The following OSBP2 variants were observed in gnomAD, a reference collection of about 807,000 sequenced individuals.
OSBP2 encodes oxysterol-binding protein 2.
OSBP2 carries 66 observed loss-of-function variants against 96.0 expected under a neutral mutation model. The observed-to-expected ratio is 0.69, with a 90% CI of 0.56 to 0.84. OSBP2 has a LOEUF of 0.84. Among genes scored for constraint, OSBP2 ranks in the 40% least tolerant of loss-of-function variants. OSBP2 has a pLI of 0.00. For synonymous variants in OSBP2, 525 were observed against 520.9 expected, an observed-to-expected ratio of 1.01 and a Z score of -0.11; for missense variants, 1,038 against 1,222.7, an observed-to-expected ratio of 0.85 and a Z score of 2.25.
rs1467617297 is a variant in OSBP2, at chr22:30,871,755, G to A, written c.1107+1073G>A. On this transcript the variant is annotated intron_variant, in intron 3 of 13. Coordinates refer to ENST00000332585, the MANE Select transcript of OSBP2 (RefSeq NM_030758.4). This position sits in a 1 kb window ranked among gnomAD's most constrained non-coding sequence, Gnocchi z 4.7. ...CCCGCAAGAAATGCAAGGGCAGGGT[G>A]GGAAGATAGAGGCTGGAGCTCACCG... 6.6e-6 allele frequency among the ~76,000 whole-genome samples: 1 copy of A among 152,366 alleles called. No homozygotes were observed. The highest frequency in any genetic ancestry group is 1.9e-4 in the East Asian group (1 of 5,184).
Position 30,893,997 on chromosome 22 carries a change from C to T in OSBP2, c.2371C>T (p.Leu791=), listed in dbSNP as rs1398227761. The part of the protein sequence containing the change: ...SAKLLWKKYP[L]PENAENMYYF... Reference sequence around the variant, plus strand: ...CAAGCTGCTGTGGAAGAAGTACCCGCTGCCGTGAGTAGGGCTGGCAGGGGC... The same window carrying T: ...CAAGCTGCTGTGGAAGAAGTACCCGTTGCCGTGAGTAGGGCTGGCAGGGGC... Residue 791 remains leucine, a synonymous_variant, in exon 12 of 14, where the codon CTG becomes TTG. Transcript: ENST00000332585. 6.3e-7 allele frequency: 1 copy of T among 1,591,356 alleles called. No homozygotes were observed. The highest frequency in any genetic ancestry group is 8.5e-7 in the Non-Finnish European group (1 of 1,169,600).
intron 2 of OSBP2, among the ~76,000 whole-genome samples, chr22:30,861,881 G>A (rs888788171): frequency 7.9e-5 from 12 of 152,128 alleles, no homozygotes; most frequent in Admixed American, 7.9e-4. Context: ...CCGAGCGCTG[G>A]CCCGTTCCAC....
chr22:30,760,491 G>A (rs1390871209), intron 2 of OSBP2, among the ~76,000 whole-genome samples: 1 of 152,158 alleles, frequency 6.6e-6, no homozygotes, highest in African/African-American at 2.4e-5. Flanking sequence ...ATGAGTGCAA[G>A]ATAGGTGCAA....
chr22:30,728,854 G>A (rs2089697327), intron 1 of OSBP2, among the ~76,000 whole-genome samples: 1 of 152,092 alleles, frequency 6.6e-6, no homozygotes, highest in East Asian at 1.9e-4. Flanking sequence ...TCCCCCATTT[G>A]GATGAACCAC....
chr22:30,890,859 G>A lies in OSBP2; in HGVS notation c.1755G>A (p.Val585=), dbSNP rs1313927671. 6.2e-7 allele frequency: 1 copy of A among 1,613,710 alleles called. No homozygotes were observed. Among genetic ancestry groups the A allele is most frequent in the Non-Finnish European group, 8.5e-7 (1 of 1,180,046 alleles). ...EQMCLVAAFS[V]SSYSTTVHRI... ...TGTGCCTGGTGGCCGCCTTCTCTGT[G>A]TCCTCCTACTCCACCACAGTGCACC... is the stretch of plus-strand genomic sequence containing the variant. The change falls in exon 8 of 14, where the codon GTG becomes GTA. Residue 585 remains valine, a synonymous_variant. Coordinates refer to ENST00000332585, the MANE Select transcript of OSBP2 (RefSeq NM_030758.4). This position sits in a 1 kb window ranked among gnomAD's most constrained non-coding sequence, Gnocchi z 4.4.
At chr22:30,841,787 C>G (rs140729744) in intron 2 of OSBP2, among the ~76,000 whole-genome samples, 43 of 152,170 alleles carry the variant, frequency 2.8e-4, no homozygotes, top group African/African-American at 1.0e-3. Context: ...GATCAGGGGC[C>G]AAGAGTTTGA....
At chr22:30,802,196 G>T (rs886385901) in intron 2 of OSBP2, among the ~76,000 whole-genome samples, 4 of 152,184 alleles carry the variant, frequency 2.6e-5, no homozygotes, top group African/African-American at 9.7e-5. Context: ...CAGAAGCCAA[G>T]TCAGAATCAA....
intron 2 of OSBP2, among the ~76,000 whole-genome samples, chr22:30,869,166 C>G (rs2039408423): frequency 2.0e-5 from 3 of 152,136 alleles, no homozygotes. Flanking sequence ...GCTGGGCTGG[C>G]AGGAAAGGGG....
rs771213240 is a variant in OSBP2, at chr22:30,890,997, G to A, written c.1869+24G>A. 8.2e-6 allele frequency: 13 copies of A among 1,593,424 alleles called. No homozygotes were observed. The highest frequency in any genetic ancestry group is 1.1e-5 in the South Asian group (1 of 90,500). ...AGGTGAGGGGGCTAGGCTGGCACTG[G>A]GTGGCGCCCACCCACACTCTGGCCA... On this transcript the variant is annotated intron_variant, in intron 8 of 13. Transcript: ENST00000332585. This position sits in a 1 kb window ranked among gnomAD's most constrained non-coding sequence, Gnocchi z 4.4.
At chr22:30,888,032 G>A (rs1039931208) in intron 4 of OSBP2, among the ~76,000 whole-genome samples, 191 bp from the exon 5 acceptor site, 10 of 152,178 alleles carry the variant, frequency 6.6e-5, no homozygotes, top group Non-Finnish European at 1.0e-4. Flanking sequence ...CGGTGAATGC[G>A]TTGAAAGCAC....
chr22:30,881,851 G>A lies in OSBP2; in HGVS notation c.1108-5575G>A, dbSNP rs992616490. ...GGTGGACGGGCTCTCTGCATCCATG[G>A]GGTGACCAGGCAGCTCATGTGCTGT... On this transcript the variant is annotated intron_variant, in intron 3 of 13. Transcript: ENST00000332585. This position sits in a 1 kb window ranked among gnomAD's most constrained non-coding sequence, Gnocchi z 4.5. The A allele has an allele frequency of 3.9e-6, 5 of 1,297,818 alleles. No homozygotes were observed. Among genetic ancestry groups the A allele is most frequent in the Admixed American group, 2.3e-5 (1 of 43,464 alleles). 80.4% of individuals were successfully genotyped at this position (1,297,818 alleles called of 1,614,324 possible).
At chr22:30,835,793 T>C (rs2038618496) in intron 2 of OSBP2, among the ~76,000 whole-genome samples, 1 of 151,680 alleles carries the variant, frequency 6.6e-6, no homozygotes, top group African/African-American at 2.4e-5. Context: ...CACGGCTCAT[T>C]GCAGCCTCGA....
Position 30,741,292 on chromosome 22 carries a change from A to G in OSBP2, c.776A>G (p.Glu259Gly), listed in dbSNP as rs914874405. The stretch of plus-strand genomic sequence containing the variant: ...AGCTACCACCTCAAGGCCAGCTCAG[A>G]GGTGGACCGGCAGCAGTGGATCACC... The part of the protein sequence containing the change: ...ARSYHLKASS[E>G]VDRQQWITAL... Residue 259 changes from glutamate (E) to glycine (G), a missense_variant, in exon 2 of 14, where the codon GAG (glutamate) becomes GGG (glycine). By Grantham distance (98) the Glu-to-Gly change is moderately conservative. This residue lies in a region of OSBP2 where 737 missense variants were observed against 913.3 expected (regional missense o/e 0.81). Transcript: ENST00000332585. 2.5e-6 allele frequency: 4 copies of G among 1,613,966 alleles called. No individual in the cohort carries two copies. The highest frequency in any genetic ancestry group is 3.4e-6 in the Non-Finnish European group (4 of 1,180,032).
intron 1 of OSBP2, among the ~76,000 whole-genome samples, chr22:30,714,393 C>T (rs1159162343): frequency 6.6e-6 from 1 of 151,336 alleles, no homozygotes; most frequent in East Asian, 1.9e-4. Flanking sequence ...CTTCAACACA[C>T]TGATTTTTTT....
intron 2 of OSBP2, among the ~76,000 whole-genome samples, chr22:30,781,980 C>G (rs1389006076): frequency 6.6e-6 from 1 of 152,116 alleles, no homozygotes; most frequent in East Asian, 1.9e-4. Flanking sequence ...AACCCCATCT[C>G]TATAAAAATA....
intron 2 of OSBP2, among the ~76,000 whole-genome samples, chr22:30,802,790 C>T (rs1337754395): frequency 1.3e-5 from 2 of 152,224 alleles, no homozygotes; most frequent in Admixed American, 6.5e-5. Flanking sequence ...AGGGAGCCTC[C>T]TCGGGCGGTG....
intron 2 of OSBP2, among the ~76,000 whole-genome samples, chr22:30,848,361 A>G (rs2038912846): frequency 6.6e-6 from 1 of 152,240 alleles, no homozygotes; most frequent in Non-Finnish European, 1.5e-5. Flanking sequence ...GGTCATATGT[A>G]TATCTGTATG....
intron 1 of OSBP2, among the ~76,000 whole-genome samples, chr22:30,739,903 G>A (rs1235764508): frequency 3.3e-5 from 5 of 151,804 alleles, no homozygotes; most frequent in South Asian, 2.1e-4. Flanking sequence ...GCAGTGGCGC[G>A]ATCTTGGCTC....
At chr22:30,804,807 G>A (rs2090904324) in intron 2 of OSBP2, among the ~76,000 whole-genome samples, 1 of 152,182 alleles carries the variant, frequency 6.6e-6, no homozygotes, top group South Asian at 2.1e-4. Context: ...TGTCTGGAAG[G>A]ATGGCTGACT....
Sources: allele counts gnomAD v4.1 joint callset (sites outside exome capture counted in the v4.1 genomes callset), GRCh38; gene constraint gnomAD v4.1.1; regional missense constraint gnomAD v4.1.1; non-coding constraint Gnocchi (gnomAD v3.1); transcripts MANE v1.5; gene names NCBI Gene and HGNC (gene_info 2026-07-23, HGNC 2026-07-21).